Variants in ST6GALNAC3 observed in about 807,000 individuals in gnomAD.
ST6GALNAC3 encodes ST6 N-acetylgalactosaminide alpha-2,6-sialyltransferase 3.
In ST6GALNAC3, 25 loss-of-function variants were observed where a neutral mutation model predicts 32.7. That is an observed-to-expected ratio of 0.76 (90% CI 0.56 to 1.07). The LOEUF is 1.07. ST6GALNAC3 is among the 50% of genes least tolerant of loss of function. ST6GALNAC3 has a pLI of 0.00. For synonymous variants in ST6GALNAC3, 129 were observed against 133.1 expected (o/e 0.97, Z 0.21); for missense variants, 355 against 382.4 (o/e 0.93, Z 0.60).
intron 1 of ST6GALNAC3, among the ~76,000 whole-genome samples, chr1:76,234,307 T>A (rs1207053724): frequency 6.6e-6 from 1 of 152,206 alleles, no homozygotes; most frequent in African/African-American, 2.4e-5. Context: ...AGATCCCACC[T>A]CTTTGGTTTC....
At chr1:76,542,720 C>A (rs890428243) in intron 3 of ST6GALNAC3, among the ~76,000 whole-genome samples, 1 of 152,156 alleles carries the variant, frequency 6.6e-6, no homozygotes, top group African/African-American at 2.4e-5. Context: ...TAATATCCAT[C>A]TAATAGATAG....
chr1:76,401,656 T>C (rs1426864270), intron 2 of ST6GALNAC3, among the ~76,000 whole-genome samples: 3 of 152,218 alleles, frequency 2.0e-5, no homozygotes, highest in African/African-American at 7.2e-5. Flanking sequence ...TTTCTTTGGT[T>C]GTTCTAGGTG....
intron 3 of ST6GALNAC3, among the ~76,000 whole-genome samples, chr1:76,514,624 A>G (rs12744538): frequency 0.11 from 16,330 of 152,068 alleles, 1,003 homozygotes; most frequent in East Asian, 0.22. Flanking sequence ...CTCTTTACAC[A>G]CATATGCTCT....
rs186626081 is a variant in ST6GALNAC3 at position 76,622,380 on chromosome 1, A to G, written c.624-5072A>G. Among the ~76,000 whole-genome samples the G allele has an allele frequency of 7.2e-5, 11 of 152,068 alleles. No homozygotes were observed. In the East Asian group the frequency reaches 2.1e-3, roughly 29 times the overall value. On this transcript the variant is annotated intron_variant, in intron 3 of 4. Transcript: ENST00000328299. ...ATAATGGGTTTAGATGGACTTGTAA[A>G]GAAGGGAGAAGGAAGTACGATGCTT...
chr1:76,230,003 G>C (rs1007613405), intron 1 of ST6GALNAC3, among the ~76,000 whole-genome samples: 2 of 152,140 alleles, frequency 1.3e-5, no homozygotes, highest in Non-Finnish European at 2.9e-5. Flanking sequence ...TTTGGAAATA[G>C]GAGATCTGAG....
intron 1 of ST6GALNAC3, among the ~76,000 whole-genome samples, chr1:76,146,121 C>T (rs921651064): frequency 2.6e-5 from 4 of 152,206 alleles, no homozygotes; most frequent in African/African-American, 7.2e-5. Flanking sequence ...GTGGACAAGA[C>T]GTGCTTTTCA....
Position 76,596,609 on chromosome 1 carries a change from T to G in ST6GALNAC3, c.624-30843T>G, listed in dbSNP as rs539910786. Reference sequence around the variant, plus strand: ...CTATCAATTTTTTTATTTAAAGAATTTAACCCAGCATCTCATTTCGGGAAA... The same window carrying G: ...CTATCAATTTTTTTATTTAAAGAATGTAACCCAGCATCTCATTTCGGGAAA... On this transcript the variant is annotated intron_variant, in intron 3 of 4. Transcript: ENST00000328299. Among the ~76,000 whole-genome samples, 5 of 152,308 alleles carry G rather than the reference T, an allele frequency of 3.3e-5. No homozygotes were observed. The East Asian group carries it at 9.6e-4, about 29-fold the overall frequency.
In ST6GALNAC3 at chr1:76,195,437, AC is replaced by A. The variant is rs201456305; in HGVS notation, c.19-118367del. On this transcript the variant is annotated intron_variant, in intron 1 of 4. Transcript: ENST00000328299. ...ACACAGAATATTAAAAAGAATGTGT[AC>A]TCAAGGTTTAATAAAATTAATAATT... Among the ~76,000 whole-genome samples, 526 of 152,340 alleles carry A rather than the reference AC, an allele frequency of 3.5e-3. 4 individuals carry two copies. The highest frequency in any genetic ancestry group is 8.8e-3 in the African/African-American group (368 of 41,592).
At chr1:76,112,089 C>A (rs1246349016) in intron 1 of ST6GALNAC3, among the ~76,000 whole-genome samples, 5 of 146,866 alleles carry the variant, frequency 3.4e-5, no homozygotes, top group African/African-American at 1.0e-4. Flanking sequence ...ACCTCCCTCC[C>A]GGACGGGGCG....
intron 1 of ST6GALNAC3, among the ~76,000 whole-genome samples, chr1:76,158,342 C>T (rs941766798): frequency 6.6e-6 from 1 of 152,162 alleles, no homozygotes; most frequent in African/African-American, 2.4e-5. Context: ...CTGGACATAG[C>T]AACCGACTGA....
At chr1:76,112,000 T>TCCCTAC (rs1647992347) in intron 1 of ST6GALNAC3, among the ~76,000 whole-genome samples, 1 of 151,166 alleles carries the variant, frequency 6.6e-6, no homozygotes, top group East Asian at 2.0e-4. Flanking sequence ...GCTCCTCACT[T>TCCCTAC]CCCAGTAGGG....
At chr1:76,356,569 G>T (rs1400080421) in intron 2 of ST6GALNAC3, among the ~76,000 whole-genome samples, 2 of 152,112 alleles carry the variant, frequency 1.3e-5, no homozygotes, top group Admixed American at 6.5e-5. Context: ...AAAGTAAAGG[G>T]ATGAAAGGCT....
chr1:76,450,470 C>T (rs1657312861), intron 3 of ST6GALNAC3, among the ~76,000 whole-genome samples: 1 of 152,068 alleles, frequency 6.6e-6, no homozygotes, highest in South Asian at 2.1e-4. Flanking sequence ...GGATATTATT[C>T]CTTTGTCAGA....
At chr1:76,306,971 GT>G (rs1439374665) in intron 1 of ST6GALNAC3, among the ~76,000 whole-genome samples, 2 of 152,110 alleles carry the variant, frequency 1.3e-5, no homozygotes, top group East Asian at 3.9e-4. Context: ...TGAAAAACAA[GT>G]TTATCTCATT....
intron 1 of ST6GALNAC3, among the ~76,000 whole-genome samples, chr1:76,098,535 C>T (rs1025243114): frequency 1.1e-4 from 17 of 152,116 alleles, no homozygotes; most frequent in Admixed American, 9.2e-4. Context: ...TGAGGTTGAA[C>T]ACCTTTTAGA....
intron 3 of ST6GALNAC3, among the ~76,000 whole-genome samples, chr1:76,449,304 G>A (rs1455633821): frequency 6.6e-6 from 1 of 152,106 alleles, no homozygotes; most frequent in African/African-American, 2.4e-5. Context: ...GAATATGACA[G>A]TTTATTTATC....
At chr1:76,459,292 T>C (rs1658105530) in intron 3 of ST6GALNAC3, among the ~76,000 whole-genome samples, 1 of 152,112 alleles carries the variant, frequency 6.6e-6, no homozygotes, top group East Asian at 1.9e-4. Context: ...AGAATTGGCA[T>C]GGTGTCTCAC....
chr1:76,463,895 G>C (rs1173589361), intron 3 of ST6GALNAC3, among the ~76,000 whole-genome samples: 2 of 152,152 alleles, frequency 1.3e-5, no homozygotes, highest in Non-Finnish European at 2.9e-5. Flanking sequence ...GGAGAATGGA[G>C]AGGTTAGCAT....
chr1:76,112,182 T>A (rs1571176548), intron 1 of ST6GALNAC3, among the ~76,000 whole-genome samples: 1 of 128,982 alleles, frequency 7.8e-6, no homozygotes, highest in Non-Finnish European at 1.6e-5. Context: ...CTCTTCCCAG[T>A]AGGGGCGGCC....
Sources: allele counts gnomAD v4.1 joint callset (sites outside exome capture counted in the v4.1 genomes callset), GRCh38; gene constraint gnomAD v4.1.1; transcripts MANE v1.5; gene names NCBI Gene and HGNC (gene_info 2026-07-23, HGNC 2026-07-21).